EPB41L2: variants seen among roughly 807,000 people sequenced by gnomAD.
The protein encoded by EPB41L2 is band 4.1-like protein 2.
In EPB41L2, 43 loss-of-function variants were observed where a neutral mutation model predicts 113.0. That is an observed-to-expected ratio of 0.38 (90% confidence interval 0.30 to 0.49). The LOEUF (loss-of-function observed/expected upper bound fraction) is 0.49, where lower values mean the gene tolerates loss of function less well. EPB41L2 is among the 20% of genes least tolerant of loss of function. The pLI is 0.95. For synonymous variants in EPB41L2, 442 were observed against 436.7 expected (o/e 1.01, Z -0.15); for missense variants, 1,147 against 1,223.4 (o/e 0.94, Z 0.93).
chr6:130,864,869 CAGA>C (rs1225915554), intron 17 of EPB41L2, among the ~76,000 whole-genome samples: 5 of 152,140 alleles, frequency 3.3e-5, no homozygotes, highest in Non-Finnish European at 5.9e-5. Flanking sequence ...AAGTAAAAAA[CAGA>C]AGAAGGAAAT....
intron 1 of EPB41L2, among the ~76,000 whole-genome samples, chr6:130,957,767 A>G (rs1817948386): frequency 6.6e-6 from 1 of 152,210 alleles, no homozygotes; most frequent in Non-Finnish European, 1.5e-5. Flanking sequence ...GTATACAGTT[A>G]GTGATTTTGA....
At chr6:130,906,025 G>T (rs1797628882) in intron 5 of EPB41L2, among the ~76,000 whole-genome samples, 1 of 152,174 alleles carries the variant, frequency 6.6e-6, no homozygotes, top group Non-Finnish European at 1.5e-5. Flanking sequence ...TGGGATATAA[G>T]ATTTTCCTGA....
At chr6:130,922,258 T>C (rs1010062247) in intron 4 of EPB41L2, among the ~76,000 whole-genome samples, 10 of 152,286 alleles carry the variant, frequency 6.6e-5, no homozygotes, top group Non-Finnish European at 1.3e-4. Flanking sequence ...GTTGACAATA[T>C]AATAGAAATG....
At chr6:130,972,192 C>T (rs932483555) in intron 1 of EPB41L2, among the ~76,000 whole-genome samples, 1 of 151,850 alleles carries the variant, frequency 6.6e-6, no homozygotes, top group Non-Finnish European at 1.5e-5. Context: ...GGTGTCGTAG[C>T]GCATGCCTGT....
intron 4 of EPB41L2, among the ~76,000 whole-genome samples, chr6:130,920,615 C>A (rs1053787476): frequency 3.3e-5 from 5 of 152,140 alleles, no homozygotes; most frequent in Non-Finnish European, 2.9e-5. Context: ...CCCACCTCAG[C>A]ACCCCTCTCC....
chr6:130,911,938 C>G (rs1186224586), intron 4 of EPB41L2, among the ~76,000 whole-genome samples: 1 of 152,118 alleles, frequency 6.6e-6, no homozygotes, highest in African/African-American at 2.4e-5. Context: ...CGATCGTGGC[C>G]TATTAGGAAC....
intron 1 of EPB41L2, among the ~76,000 whole-genome samples, chr6:130,958,090 C>T (rs1386507606): frequency 1.3e-5 from 2 of 152,128 alleles, no homozygotes; most frequent in Non-Finnish European, 2.9e-5. Context: ...TAAAGACAAC[C>T]TTTGAGGAGC....
At position 130,981,122 on chromosome 6, in the gene EPB41L2, G is replaced by A. The variant is rs1324005498; in HGVS notation, c.-14-24623C>T. ...CTCCTAGCATTTATATAAACATATGGCTTAAAACAGGCCGAACAATTTTCA... is the reference window on the plus strand; with the variant it reads ...CTCCTAGCATTTATATAAACATATGACTTAAAACAGGCCGAACAATTTTCA... On this transcript the variant is annotated intron_variant, in intron 1 of 19. Coordinates refer to ENST00000337057, the MANE Select transcript of EPB41L2 (RefSeq NM_001431.4). Among the ~76,000 whole-genome samples the A allele has an allele frequency of 2.0e-5, 3 of 151,788 alleles. No individual in the cohort carries two copies. The East Asian group carries it at 5.8e-4, about 29-fold the overall frequency.
intron 1 of EPB41L2, among the ~76,000 whole-genome samples, chr6:131,055,858 T>C (rs1368557238): frequency 6.6e-6 from 1 of 152,208 alleles, no homozygotes; most frequent in Non-Finnish European, 1.5e-5. Flanking sequence ...CCTTATTTTT[T>C]TTTTACATGG....
chr6:131,051,465 AACACACACAC>A (rs201389745), intron 1 of EPB41L2, among the ~76,000 whole-genome samples: 1 of 143,600 alleles, frequency 7.0e-6, no homozygotes, highest in Non-Finnish European at 1.5e-5. Flanking sequence ...AAAAAAAAAA[AACACACACAC>A]ACACACACAC....
intron 1 of EPB41L2, among the ~76,000 whole-genome samples, chr6:130,998,092 A>G (rs947422813): frequency 4.6e-5 from 7 of 152,174 alleles, no homozygotes; most frequent in African/African-American, 1.7e-4. Flanking sequence ...TCTCACGACC[A>G]CTCTATGAGA....
At chr6:131,036,629 C>A (rs1793367964) in intron 1 of EPB41L2, among the ~76,000 whole-genome samples, 2 of 152,122 alleles carry the variant, frequency 1.3e-5, no homozygotes, top group South Asian at 2.1e-4. Context: ...CCCCTAAAGT[C>A]TCTAGGTCTC....
At chr6:130,920,573 G>C (rs1194685835) in intron 4 of EPB41L2, among the ~76,000 whole-genome samples, 1 of 152,046 alleles carries the variant, frequency 6.6e-6, no homozygotes, top group African/African-American at 2.4e-5. Context: ...ACAGCTCATT[G>C]CTGCCTTGAC....
At position 130,867,968 on chromosome 6, in the gene EPB41L2, A is replaced by T. The variant is rs946901354; in HGVS notation, c.2608-387T>A. ...CACACACACACACACACACACACAC[A>T]CACACTCTCTCTCTCTCTCTCTCTC... is the stretch of plus-strand genomic sequence containing the variant. On this transcript the variant is annotated intron_variant, in intron 15 of 19. Transcript: ENST00000337057. 7.2e-3 allele frequency: 958 copies of T among 133,242 alleles called. 5 individuals are homozygous for T. The highest frequency in any genetic ancestry group is 0.024 in the African/African-American group (829 of 34,516). 8.3% of individuals were successfully genotyped at this position (133,242 alleles called of 1,614,324 possible). A position where few individuals can be genotyped will look rare whatever the true frequency, so the allele number is the denominator to read the frequency against.
In EPB41L2 at chr6:130,949,569, A is replaced by T. The variant is rs1170997265; in HGVS notation, c.705+5536T>A. On this transcript the variant is annotated intron_variant, in intron 3 of 19. Transcript: ENST00000337057. ...AACAGAGAGAGATCCTGTTGAAAAA[A>T]GAAGAAAAGGGACAGGGAAGGGAAG... is the stretch of plus-strand genomic sequence containing the variant. 7.2e-5 allele frequency among the ~76,000 whole-genome samples: 11 copies of T among 151,968 alleles called. 1 individual carries two copies. Among genetic ancestry groups the T allele is most frequent in the Admixed American group, 7.2e-4 (11 of 15,254 alleles).
At chr6:130,867,816 ATGTG>A (rs1359066889) in intron 15 of EPB41L2, 6 of 456,676 alleles carry the variant, frequency 1.3e-5, no homozygotes, top group Admixed American at 3.4e-5. Context: ...ATATATATGA[ATGTG>A]TGTATGTGTA....
intron 19 of EPB41L2, among the ~76,000 whole-genome samples, chr6:130,844,673 C>G (rs1028211670): frequency 6.6e-6 from 1 of 152,158 alleles, no homozygotes; most frequent in African/African-American, 2.4e-5. Context: ...AAATGCTGAA[C>G]TTTTCATTTT....
chr6:130,846,321 TTC>T (rs1365619670), intron 19 of EPB41L2, among the ~76,000 whole-genome samples: 4 of 152,194 alleles, frequency 2.6e-5, no homozygotes, highest in African/African-American at 9.6e-5. Flanking sequence ...TTTATAAAAC[TTC>T]TCAGTTTTGA....
rs931175133 is a variant in EPB41L2, at chr6:130,886,880, T to G, written c.1661-1612A>C. 2.0e-5 allele frequency among the ~76,000 whole-genome samples: 3 copies of G among 152,104 alleles called. No individual in the cohort carries two copies. In the East Asian group the frequency reaches 5.8e-4, roughly 29 times the overall value. ...AAACTCCTGACCTTGTGATCTGCCC[T>G]CCTTGGCCTCCTAAAGTGCTGTGGT... On this transcript the variant is annotated intron_variant, in intron 11 of 19. Transcript: ENST00000337057.
Sources: gnomAD v4.1 joint callset for allele counts (sites outside exome capture counted in the v4.1 genomes callset) on GRCh38, gnomAD v4.1.1 for gene constraint, MANE v1.5 for transcripts, NCBI Gene and HGNC (gene_info 2026-07-23, HGNC 2026-07-21) for gene names.